The following ESRRB variants were observed in gnomAD, a reference collection of about 807,000 sequenced individuals.
ESRRB encodes estrogen related receptor beta.
Under a neutral mutation model 46.0 loss-of-function variants are expected in ESRRB, and 16 were observed. The observed-to-expected ratio is 0.35, with a 90% confidence interval of 0.24 to 0.53. The LOEUF (loss-of-function observed/expected upper bound fraction) is 0.53. Ranked by LOEUF, ESRRB falls within the 20% of genes least tolerant of loss-of-function variation. The pLI, the probability that ESRRB is intolerant of heterozygous loss-of-function variation, is 0.93. For synonymous variants in ESRRB, 246 were observed against 259.6 expected, an observed-to-expected ratio of 0.95 and a Z score of 0.50; for missense variants, 488 against 607.4, an observed-to-expected ratio of 0.80 and a Z score of 2.07.
At chr14:76,427,996 A>G (rs557421660) in intron 1 of ESRRB, among the ~76,000 whole-genome samples, 20 of 152,208 alleles carry the variant, frequency 1.3e-4, no homozygotes, top group African/African-American at 4.3e-4. Flanking sequence ...AATGACAGTA[A>G]TTGGGTTATA....
At chr14:76,366,320 A>T (rs1884521505) in intron 1 of ESRRB, among the ~76,000 whole-genome samples, 1 of 152,248 alleles carries the variant, frequency 6.6e-6, no homozygotes, top group South Asian at 2.1e-4. Flanking sequence ...ATATCCCTCA[A>T]CACGAACACA....
intron 1 of ESRRB, among the ~76,000 whole-genome samples, chr14:76,320,857 C>A (rs1883858472): frequency 6.6e-6 from 1 of 152,134 alleles, no homozygotes; most frequent in South Asian, 2.1e-4. Context: ...ACATTGTTTC[C>A]TGAATGCCAG....
At chr14:76,338,828 A>G (rs966280885) in intron 1 of ESRRB, among the ~76,000 whole-genome samples, 2 of 152,150 alleles carry the variant, frequency 1.3e-5, no homozygotes, top group African/African-American at 4.8e-5. Context: ...CTGTAATCCC[A>G]GCTACTCGGG....
chr14:76,498,254 G>A lies in ESRRB; in HGVS notation c.1161G>A (p.Leu387=). 3.7e-6 allele frequency: 6 copies of A among 1,613,894 alleles called. No individual in the cohort carries two copies. The South Asian group carries it at 5.5e-5, about 15-fold the overall frequency. ...AGGATCTAGAGGCTGTCCAGAAGCT[G>A]CAGGACCTGCTGCACGAGGCACTGC... is the stretch of plus-strand genomic sequence containing the variant. ...YIEDLEAVQK[L]QDLLHEALQD... Residue 387 remains leucine (L), a synonymous_variant, in exon 7 of 7, where the codon CTG becomes CTA. Transcript: ENST00000644823.
intron 1 of ESRRB, among the ~76,000 whole-genome samples, chr14:76,335,198 A>G (rs568055031): frequency 7.2e-5 from 11 of 152,234 alleles, no homozygotes; most frequent in African/African-American, 1.4e-4. Flanking sequence ...TTGAATCTCC[A>G]TTAGCCAATC....
chr14:76,405,314 G>A (rs1192474007), intron 1 of ESRRB, among the ~76,000 whole-genome samples: 1 of 151,906 alleles, frequency 6.6e-6, no homozygotes, highest in Non-Finnish European at 1.5e-5. Context: ...TTCTTGCTGT[G>A]TTGGCCAGGC....
Position 76,482,030 on chromosome 14 carries a change from C to G in ESRRB, c.592C>G (p.Arg198Gly), listed in dbSNP as rs1413130581. The G allele has an allele frequency of 1.2e-6, 2 of 1,614,098 alleles. No homozygotes were observed. Among genetic ancestry groups the G allele is most frequent in the Non-Finnish European group, 1.7e-6 (2 of 1,179,958 alleles). Residue 198 changes from arginine to glycine, a missense_variant, in exon 4 of 7, where the codon CGA (arginine) becomes GGA (glycine). Coordinates refer to ENST00000644823, the MANE Select transcript of ESRRB (RefSeq NM_001379180.1). The surrounding 1 kb of genome is among the most constrained non-coding windows in gnomAD (Gnocchi z 4.3). ...GMLKEGVRLD[R>G]VRGGRQKYKR... ...CTCCCCAATAGGTGTGCGCCTTGAT[C>G]GAGTGCGTGGAGGCCGTCAGAAATA...
intron 1 of ESRRB, among the ~76,000 whole-genome samples, chr14:76,411,102 T>C (rs1469275969): frequency 2.0e-5 from 3 of 151,748 alleles, no homozygotes; most frequent in African/African-American, 7.3e-5. Context: ...TCTTCTTGGG[T>C]CCATCCATAT....
chr14:76,452,753 TG>T (rs78436113), intron 2 of ESRRB, among the ~76,000 whole-genome samples: 5,121 of 152,182 alleles, frequency 0.034, 166 homozygotes, highest in East Asian at 0.15. Flanking sequence ...ACTAGGGAGA[TG>T]GCAAGGCCAT....
In ESRRB at chr14:76,339,547, T is replaced by G. The variant is rs116201816; in HGVS notation, c.2+28631T>G. ...CCCAGCTTTAGGCTGCTTATGGACG[T>G]GTACTGTACCATGTCCAGACAGGCC... On this transcript the variant is annotated intron_variant, in intron 1 of 6. Transcript: ENST00000512784. 5.7e-3 allele frequency among the ~76,000 whole-genome samples: 873 copies of G among 152,326 alleles called. 12 individuals carry two copies. Among genetic ancestry groups the G allele is most frequent in the African/African-American group, 0.02 (814 of 41,570 alleles).
At chr14:76,345,541 C>T (rs1327807115) in intron 1 of ESRRB, among the ~76,000 whole-genome samples, 1 of 152,192 alleles carries the variant, frequency 6.6e-6, no homozygotes, top group Non-Finnish European at 1.5e-5. Flanking sequence ...AATCAAAAAA[C>T]AGTAGATGTT....
Position 76,498,644 on chromosome 14 carries a change from G to A in ESRRB, c.*186G>A. The A allele has an allele frequency of 4.3e-6, 2 of 462,808 alleles. No homozygotes were observed. Among genetic ancestry groups the A allele is most frequent in the Non-Finnish European group, 8.3e-6 (2 of 240,398 alleles). The allele number at this position is 462,808 out of a possible 1,614,324, so 28.7% of individuals were successfully genotyped here. On this transcript the variant is annotated 3_prime_UTR_variant, in exon 7 of 7. Transcript: ENST00000644823. Reference sequence around the variant, plus strand: ...CGGGTGCAGTGGGGTGGGGGACGGGGATGGGGGGGCAGGGGTGTGGGGCTC... The same window carrying A: ...CGGGTGCAGTGGGGTGGGGGACGGGAATGGGGGGGCAGGGGTGTGGGGCTC...
At chr14:76,346,255 A>G (rs1156679631) in intron 1 of ESRRB, among the ~76,000 whole-genome samples, 2 of 152,174 alleles carry the variant, frequency 1.3e-5, no homozygotes, top group East Asian at 3.9e-4. Flanking sequence ...TCCTGCCCTT[A>G]AGGTGAAGGA....
At chr14:76,400,038 T>A (rs1417127422) in intron 1 of ESRRB, among the ~76,000 whole-genome samples, 1 of 152,126 alleles carries the variant, frequency 6.6e-6, no homozygotes, top group Non-Finnish European at 1.5e-5. Flanking sequence ...ACCTGCAAAT[T>A]ACCCAACAGA....
At chr14:76,417,991 T>C (rs1335136056) in intron 1 of ESRRB, among the ~76,000 whole-genome samples, 2 of 147,176 alleles carry the variant, frequency 1.4e-5, no homozygotes, top group Non-Finnish European at 3.0e-5. Flanking sequence ...AGTCTGGCTC[T>C]GTCACCCAGG....
At chr14:76,379,816 C>A (rs964414466) in intron 1 of ESRRB, among the ~76,000 whole-genome samples, 1 of 147,304 alleles carries the variant, frequency 6.8e-6, no homozygotes, top group African/African-American at 2.5e-5. Context: ...TAGAAACAAT[C>A]CTTTATTTTG....
intron 3 of ESRRB, among the ~76,000 whole-genome samples, chr14:76,477,887 A>C (rs1889644123): frequency 6.6e-6 from 1 of 152,206 alleles, no homozygotes; most frequent in Non-Finnish European, 1.5e-5. Flanking sequence ...AATGGCAAAA[A>C]GCTTGGGTCT....
intron 1 of ESRRB, among the ~76,000 whole-genome samples, chr14:76,363,654 T>C (rs1034118402): frequency 1.1e-4 from 17 of 152,228 alleles, no homozygotes; most frequent in African/African-American, 4.1e-4. Context: ...AGGAGAGGGC[T>C]GGCCCACACT....
Position 76,314,129 on chromosome 14 carries a change from A to C in ESRRB, c.2+3213A>C, listed in dbSNP as rs542062227. Among the ~76,000 whole-genome samples, 1,237 of 142,982 alleles carry C rather than the reference A, an allele frequency of 8.7e-3. 8 individuals are homozygous for C. Among genetic ancestry groups the C allele is most frequent in the Middle Eastern group, 0.028 (8 of 288 alleles). 93.8% of individuals were successfully genotyped at this position (142,982 alleles called of 152,430 possible). A position where few individuals can be genotyped will look rare whatever the true frequency, so the allele number is the denominator to read the frequency against. On this transcript the variant is annotated intron_variant, in intron 1 of 6. Transcript: ENST00000512784. ...GTTAAAACCCCTCAGGGCTGTTGGG[A>C]AAAAAAAAATTAAACCAGTTAAGCC...
Sources: allele counts gnomAD v4.1 joint callset (sites outside exome capture counted in the v4.1 genomes callset), GRCh38; gene constraint gnomAD v4.1.1; non-coding constraint Gnocchi (gnomAD v3.1); transcripts MANE v1.5; gene names NCBI Gene and HGNC (gene_info 2026-07-23, HGNC 2026-07-21).